Variants in GABRA3 observed in about 807,000 individuals in gnomAD.
The protein encoded by GABRA3 is gamma-aminobutyric acid receptor subunit alpha-3.
A neutral mutation model predicts 30.1 loss-of-function variants in GABRA3; 10 were observed. That is an observed-to-expected ratio of 0.33 (90% CI 0.20 to 0.56). The LOEUF (loss-of-function observed/expected upper bound fraction) is 0.56. Among genes scored for constraint, GABRA3 ranks in the 20% least tolerant of loss-of-function variants. GABRA3 has a pLI of 0.89. For missense variants in GABRA3, 233 were observed against 392.0 expected (o/e 0.59, Z 3.42); for synonymous variants, 151 against 146.8 (o/e 1.03, Z -0.21).
intron 5 of GABRA3, among the ~76,000 whole-genome samples, chrX:152,241,047 T>G (rs1209843443): frequency 9.1e-6 from 1 of 110,075 alleles, no homozygotes; most frequent in Non-Finnish European, 1.9e-5. Context: ...AGGAACTGCG[T>G]TCCTTTGGAG....
chrX:152,365,202 G>A (rs1928623201), intron 1 of GABRA3, among the ~76,000 whole-genome samples: 1 of 111,447 alleles, frequency 9.0e-6, no homozygotes, highest in African/African-American at 3.3e-5. Context: ...GGCCTGAAGT[G>A]GATAGACTGT....
chrX:152,439,059 G>C (rs753336010), intron 1 of GABRA3, among the ~76,000 whole-genome samples: 11 of 110,683 alleles, frequency 9.9e-5, no homozygotes, highest in Non-Finnish European at 1.3e-4. Context: ...AAACTGGGGT[G>C]GGGGATGGGG....
chrX:152,425,563 G>A (rs779760559), intron 1 of GABRA3, among the ~76,000 whole-genome samples: 9 of 111,580 alleles, frequency 8.1e-5, no homozygotes, highest in Middle Eastern at 4.7e-3. Context: ...TTTGCCTGAC[G>A]TTTTCTCATG....
intron 4 of GABRA3, among the ~76,000 whole-genome samples, chrX:152,281,736 T>G (rs998969502): frequency 9.0e-6 from 1 of 111,716 alleles, no homozygotes; most frequent in Non-Finnish European, 1.9e-5. Context: ...GAAAGCTATT[T>G]TCACTCTTTA....
chrX:152,259,316 G>A (rs771564074), intron 4 of GABRA3, among the ~76,000 whole-genome samples: 6 of 111,327 alleles, frequency 5.4e-5, no homozygotes, highest in African/African-American at 1.6e-4. Context: ...GCAGCAACTC[G>A]TAGGTGATTT....
At chrX:152,222,395 CT>C (rs1169625859) in intron 6 of GABRA3, among the ~76,000 whole-genome samples, 1 of 107,105 alleles carries the variant, frequency 9.3e-6, no homozygotes, top group Non-Finnish European at 1.9e-5. Context: ...CTAATTTATT[CT>C]TCTTTATAGG....
At chrX:152,283,756 A>G (rs1939238934) in intron 4 of GABRA3, among the ~76,000 whole-genome samples, 1 of 112,270 alleles carries the variant, frequency 8.9e-6, no homozygotes, top group Admixed American at 9.5e-5. Context: ...CCTGCCAAGT[A>G]GTAGTCCCAC....
At chrX:152,248,200 C>G (rs1374976480) in intron 5 of GABRA3, among the ~76,000 whole-genome samples, 1 of 108,364 alleles carries the variant, frequency 9.2e-6, no homozygotes, top group Non-Finnish European at 1.9e-5. Flanking sequence ...CCAGGGATTT[C>G]AATTTAAAAA....
At chrX:152,441,013 A>T (rs374405813) in intron 1 of GABRA3, among the ~76,000 whole-genome samples, 1 of 5,928 alleles carries the variant, frequency 1.7e-4, no homozygotes, top group Non-Finnish European at 5.3e-3. Context: ...TAGTATAATA[A>T]AAAAAAAAAA....
intron 1 of GABRA3, among the ~76,000 whole-genome samples, chrX:152,429,894 A>G (rs1930612519): frequency 1.8e-5 from 2 of 112,307 alleles, no homozygotes; most frequent in Non-Finnish European, 3.8e-5. Context: ...GAGTGGATCC[A>G]TATCTCTGTT....
At chrX:152,324,199 T>A (rs747005768) in intron 3 of GABRA3, among the ~76,000 whole-genome samples, 1 of 112,398 alleles carries the variant, frequency 8.9e-6, no homozygotes, top group African/African-American at 3.2e-5. Flanking sequence ...CTGTGCTGTG[T>A]CATTATCAAT....
At chrX:152,376,165 T>A (rs1467166039) in intron 1 of GABRA3, among the ~76,000 whole-genome samples, 1 of 111,939 alleles carries the variant, frequency 8.9e-6, no homozygotes, top group Non-Finnish European at 1.9e-5. Context: ...GTACAAATAA[T>A]GCAGCTCCCT....
chrX:152,341,453 T>C (rs890267053), intron 3 of GABRA3, among the ~76,000 whole-genome samples: 4 of 111,336 alleles, frequency 3.6e-5, no homozygotes, highest in African/African-American at 1.3e-4. Flanking sequence ...GGAATCTCCA[T>C]ACTGTTTTCC....
chrX:152,441,011 TAAAA>T (rs3042367), intron 1 of GABRA3, among the ~76,000 whole-genome samples: 1 of 97,650 alleles, frequency 1.0e-5, no homozygotes, highest in Admixed American at 1.1e-4. Flanking sequence ...TATAGTATAA[TAAAA>T]AAAAAAAAAA....
chrX:152,235,477 T>G (rs186469902), intron 5 of GABRA3, among the ~76,000 whole-genome samples: 1 of 111,227 alleles, frequency 9.0e-6, no homozygotes, highest in Admixed American at 9.7e-5. Context: ...ATTACATATA[T>G]TGAAAATCCT....
At chrX:152,304,055 T>A (rs1001539630) in intron 3 of GABRA3, among the ~76,000 whole-genome samples, 46 of 112,280 alleles carry the variant, frequency 4.1e-4, no homozygotes, top group African/African-American at 1.5e-3. Context: ...CTCTGATGAT[T>A]AGCAATATTG....
In GABRA3 at chrX:152,168,129, A is replaced by C. The variant is rs200912301; in HGVS notation, c.*99T>G. 141 of 646,241 alleles carry C rather than the reference A, an allele frequency of 2.2e-4. No homozygotes were observed. In the African/African-American group the frequency reaches 2.8e-3, roughly 13 times the overall value. 53.3% of individuals were successfully genotyped at this position (646,241 alleles called of 1,213,427 possible). A position where few individuals can be genotyped will look rare whatever the true frequency, so the allele number is the denominator to read the frequency against. ...GTCACAGCTTGGTAGAGGGGTAAAA[A>C]GGAGAATCCTGAAATACGCGAAGGG... is the stretch of plus-strand genomic sequence containing the variant. On this transcript the variant is annotated 3_prime_UTR_variant, in exon 10 of 10. Coordinates refer to ENST00000370314, the MANE Select transcript of GABRA3 (RefSeq NM_000808.4).
rs767845609 is a variant in GABRA3 at position 152,409,355 on chromosome X, AAATC to A, written c.-27+41787_-27+41790del. 2.6e-3 allele frequency among the ~76,000 whole-genome samples: 292 copies of A among 111,583 alleles called. 2 individuals carry two copies. Among genetic ancestry groups the A allele is most frequent in the South Asian group, 4.2e-3 (11 of 2,649 alleles). The stretch of plus-strand genomic sequence containing the variant: ...AGTGATACCCTGTCTCTAAAGAAAG[AAATC>A]AATCAATCAAATCAAAATGGGTTAA... On this transcript the variant is annotated intron_variant, in intron 1 of 9. Transcript: ENST00000370314.
chrX:152,351,331 A>G (rs1473370817), intron 2 of GABRA3, among the ~76,000 whole-genome samples: 3 of 112,026 alleles, frequency 2.7e-5, no homozygotes, highest in Non-Finnish European at 5.6e-5. Flanking sequence ...ACCTTTATCA[A>G]TTATCATAGC....
Sources: gnomAD v4.1 joint callset for allele counts (sites outside exome capture counted in the v4.1 genomes callset) on GRCh38, gnomAD v4.1.1 for gene constraint, MANE v1.5 for transcripts, NCBI Gene and HGNC (gene_info 2026-07-23, HGNC 2026-07-21) for gene names.